Variants in CTIF observed in about 807,000 individuals in gnomAD.
CTIF encodes the protein cap binding complex dependent translation initiation factor.
Under a neutral mutation model 66.0 loss-of-function variants are expected in CTIF, and 21 were observed. The observed-to-expected ratio is 0.32, with a 90% CI of 0.23 to 0.46. The LOEUF (loss-of-function observed/expected upper bound fraction) is 0.46. Among genes scored for constraint, CTIF ranks in the 20% least tolerant of loss-of-function variants. The pLI is 1.00. For synonymous variants in CTIF, 345 were observed against 326.4 expected, an observed-to-expected ratio of 1.06 and a Z score of -0.62; for missense variants, 739 against 812.7, an observed-to-expected ratio of 0.91 and a Z score of 1.10.
intron 7 of CTIF, among the ~76,000 whole-genome samples, 171 bp downstream of exon 7, chr18:48,711,866 G>A (rs2092227912): frequency 6.6e-6 from 1 of 152,208 alleles, no homozygotes; most frequent in Non-Finnish European, 1.5e-5. Context: ...CAGGGGCAGA[G>A]TGGCGGCTCC....
chr18:48,704,175 C>A (rs1792525772), intron 6 of CTIF, among the ~76,000 whole-genome samples: 2 of 152,136 alleles, frequency 1.3e-5, no homozygotes, highest in African/African-American at 4.8e-5. Flanking sequence ...CCCATCTCTG[C>A]CCTGGTACCG....
In CTIF at chr18:48,761,688, A is replaced by G; in HGVS notation, c.1370A>G (p.Gln457Arg). The change falls in exon 9 of 12, where the codon CAG (glutamine) becomes CGG (arginine). Residue 457 changes from glutamine (Q) to arginine (R), a missense_variant and splice_region_variant. By Grantham distance (43) the Gln-to-Arg change is conservative (BLOSUM62 1). Coordinates refer to ENST00000256413, the MANE Select transcript of CTIF (RefSeq NM_014772.3). This position sits in a 1 kb window ranked among gnomAD's most constrained non-coding sequence, Gnocchi z 4.2. Reference protein sequence around the residue: ...KFRSLLLNMLQKDFTVREELQ... With the variant: ...KFRSLLLNMLRKDFTVREELQ... The stretch of plus-strand genomic sequence containing the variant: ...CGGAGCCTGCTCCTCAACATGCTGC[A>G]GGTAACTGGACGCCGGCCACCACCG... 6.2e-7 allele frequency: 1 copy of G among 1,604,876 alleles called. No individual in the cohort carries two copies. The highest frequency in any genetic ancestry group is 8.5e-7 in the Non-Finnish European group (1 of 1,172,682).
At chr18:48,714,513 C>A (rs150030137) in intron 7 of CTIF, among the ~76,000 whole-genome samples, 364 of 152,258 alleles carry the variant, frequency 2.4e-3, no homozygotes, top group Middle Eastern at 0.024. Context: ...TAGCTGCAAA[C>A]TCCAGGCAGC....
intron 3 of CTIF, among the ~76,000 whole-genome samples, chr18:48,652,781 T>C (rs1471491926): frequency 6.6e-6 from 1 of 152,208 alleles, no homozygotes; most frequent in Non-Finnish European, 1.5e-5. Context: ...TTATCCACCA[T>C]GATCAAGTGG....
At chr18:48,725,339 G>A (rs575631375) in intron 7 of CTIF, among the ~76,000 whole-genome samples, 122 of 152,200 alleles carry the variant, frequency 8.0e-4, no homozygotes, top group South Asian at 1.7e-3. Context: ...TGATCATCAG[G>A]GCCTCTTTAG....
chr18:48,795,278 C>T (rs1391418209), intron 9 of CTIF, among the ~76,000 whole-genome samples: 1 of 152,208 alleles, frequency 6.6e-6, no homozygotes, highest in Non-Finnish European at 1.5e-5. Flanking sequence ...CTCTCGCTCC[C>T]TAGACCCCTT....
intron 2 of CTIF, among the ~76,000 whole-genome samples, chr18:48,629,569 C>A (rs551942347): frequency 6.6e-6 from 1 of 151,024 alleles, no homozygotes; most frequent in South Asian, 2.1e-4. Flanking sequence ...AGGAAATGAA[C>A]ATTGATAGAA....
chr18:48,826,352 T>C (rs1218290257), intron 10 of CTIF: 1 of 152,350 alleles, frequency 6.6e-6, no homozygotes, highest in East Asian at 1.9e-4. Flanking sequence ...AAGGCCTCCA[T>C]AAGCAAACAC....
At chr18:48,752,637 A>G (rs752060735) in intron 7 of CTIF, among the ~76,000 whole-genome samples, 8 of 152,168 alleles carry the variant, frequency 5.3e-5, no homozygotes, top group Non-Finnish European at 1.0e-4. Context: ...GGACTGGCAC[A>G]TCTGGAAACA....
intron 1 of CTIF, among the ~76,000 whole-genome samples, chr18:48,574,620 G>A (rs565554045): frequency 6.6e-6 from 1 of 152,228 alleles, no homozygotes; most frequent in Admixed American, 6.5e-5. Context: ...TTTCAGCATG[G>A]TGTTGTTGGC....
intron 1 of CTIF, among the ~76,000 whole-genome samples, chr18:48,587,075 C>CTTT (rs778079682): frequency 3.9e-5 from 5 of 128,008 alleles, no homozygotes; most frequent in African/African-American, 8.7e-5. Flanking sequence ...AAGCCACATT[C>CTTT]TTTTTTTTTT....
chr18:48,787,590 C>T (rs547115048), intron 9 of CTIF, among the ~76,000 whole-genome samples: 1 of 152,156 alleles, frequency 6.6e-6, no homozygotes, highest in Non-Finnish European at 1.5e-5. Context: ...CGTGACGGGC[C>T]CCAGCTCCAG....
At chr18:48,855,999 G>A (rs549870650) in intron 10 of CTIF, among the ~76,000 whole-genome samples, 7 of 152,326 alleles carry the variant, frequency 4.6e-5, no homozygotes, top group South Asian at 2.1e-4. Flanking sequence ...CGTGATGATC[G>A]ACATGGCAGG....
intron 10 of CTIF, among the ~76,000 whole-genome samples, chr18:48,822,682 C>T (rs1000677083): frequency 5.3e-5 from 8 of 152,108 alleles, no homozygotes; most frequent in East Asian, 3.8e-4. Context: ...TACTCAGAAG[C>T]GGGATTGCTG....
chr18:48,805,281 T>C (rs2068121073), intron 9 of CTIF, among the ~76,000 whole-genome samples: 1 of 151,890 alleles, frequency 6.6e-6, no homozygotes, highest in African/African-American at 2.4e-5. Context: ...TCCCAAATGA[T>C]GATGACTGGG....
chr18:48,591,492 T>C (rs1310208972), intron 1 of CTIF, among the ~76,000 whole-genome samples: 2 of 152,226 alleles, frequency 1.3e-5, no homozygotes, highest in African/African-American at 4.8e-5. Context: ...TGTCTGAACC[T>C]TTCTGAGCCT....
At chr18:48,611,779 G>A (rs1475874877) in intron 1 of CTIF, among the ~76,000 whole-genome samples, 2 of 152,234 alleles carry the variant, frequency 1.3e-5, no homozygotes, top group African/African-American at 2.4e-5. Flanking sequence ...TAGTTACAAT[G>A]TGTGCTACAT....
chr18:48,734,410 A>G (rs1437928131), intron 7 of CTIF, among the ~76,000 whole-genome samples: 1 of 152,182 alleles, frequency 6.6e-6, no homozygotes, highest in African/African-American at 2.4e-5. Context: ...TACTAAAAAT[A>G]CAAAAATTAG....
In CTIF at chr18:48,761,755, A is replaced by G. The variant is rs977925360; in HGVS notation, c.1371+66A>G. ...CCTCTGCGTTCGGTGAGTTATTCCT[A>G]GCGAGAAGGCTGCGAGTTCTGGCCA... On this transcript the variant is annotated intron_variant, in intron 9 of 11. Transcript: ENST00000256413. This position sits in a 1 kb window ranked among gnomAD's most constrained non-coding sequence, Gnocchi z 4.2. The G allele has an allele frequency of 5.4e-6, 8 of 1,476,728 alleles. No individual in the cohort carries two copies. The highest frequency in any genetic ancestry group is 7.4e-6 in the Non-Finnish European group (8 of 1,082,514). 91.5% of individuals were successfully genotyped at this position (1,476,728 alleles called of 1,614,324 possible).
Sources: gnomAD v4.1 joint callset for allele counts (sites outside exome capture counted in the v4.1 genomes callset) on GRCh38, gnomAD v4.1.1 for gene constraint, Gnocchi (gnomAD v3.1) non-coding constraint, MANE v1.5 for transcripts, NCBI Gene and HGNC (gene_info 2026-07-23, HGNC 2026-07-21) for gene names.